The following ADGRG7 variants were observed in gnomAD, a reference collection of about 807,000 sequenced individuals.
The protein encoded by ADGRG7 is G-protein coupled receptor 128.
ADGRG7 carries 82 observed loss-of-function variants against 88.6 expected under a neutral mutation model. That is an observed-to-expected ratio of 0.93 (90% CI 0.77 to 1.11). ADGRG7 has a LOEUF of 1.11. ADGRG7 is among the 50% of genes most tolerant of loss of function. The probability of loss-of-function intolerance (pLI) is 0.00; values close to 1 mark genes in which losing one functional copy is unlikely to be tolerated. For missense variants in ADGRG7, 945 were observed against 953.4 expected, an observed-to-expected ratio of 0.99 and a Z score of 0.12; for synonymous variants, 381 against 345.2, an observed-to-expected ratio of 1.10 and a Z score of -1.15.
chr3:100,648,155 G>T (rs1455912083), intron 10 of ADGRG7, among the ~76,000 whole-genome samples: 2 of 152,104 alleles, frequency 1.3e-5, no homozygotes, highest in Non-Finnish European at 2.9e-5. Context: ...CATGTTAAAT[G>T]ATATAGTTTA....
chr3:100,664,011 C>A (rs1452404974), intron 14 of ADGRG7, among the ~76,000 whole-genome samples: 1 of 151,930 alleles, frequency 6.6e-6, no homozygotes, highest in African/African-American at 2.4e-5. Context: ...TCCTATGGCA[C>A]AAAACTAATC....
chr3:100,686,492 G>A (rs1341666670), intron 15 of ADGRG7, among the ~76,000 whole-genome samples: 10 of 152,088 alleles, frequency 6.6e-5, no homozygotes, highest in Non-Finnish European at 8.8e-5. Context: ...TTTCTTCTAC[G>A]GTTTTTATGG....
At chr3:100,680,703 A>G (rs973197234) in intron 15 of ADGRG7, among the ~76,000 whole-genome samples, 1 of 152,162 alleles carries the variant, frequency 6.6e-6, no homozygotes, top group African/African-American at 2.4e-5. Flanking sequence ...ACTACTTTCC[A>G]GTAAAATCTT....
chr3:100,629,733 T>A (rs1707433750), intron 2 of ADGRG7, 22 bp downstream of exon 2: 1 of 1,478,130 alleles, frequency 6.8e-7, no homozygotes, highest in Non-Finnish European at 9.5e-7. Flanking sequence ...GGGATAATGC[T>A]AAAGTGTAAG....
At chr3:100,636,645 G>GAA (rs11452728) in intron 5 of ADGRG7, among the ~76,000 whole-genome samples, 67 of 150,282 alleles carry the variant, frequency 4.5e-4, no homozygotes, top group Middle Eastern at 3.4e-3. Context: ...TTTTGTTTCA[G>GAA]AAAAAAAAAA....
chr3:100,649,740 T>C lies in ADGRG7; in HGVS notation c.1312T>C (p.Ser438Pro), dbSNP rs761984386. The C allele has an allele frequency of 6.2e-7, 1 of 1,611,380 alleles. No homozygotes were observed. Among genetic ancestry groups the C allele is most frequent in the Non-Finnish European group, 8.5e-7 (1 of 1,178,016 alleles). Residue 438 changes from serine to proline, a missense_variant, in exon 11 of 16, where the codon TCC becomes CCC. Physicochemically the swap from Ser to Pro is moderately conservative, Grantham distance 74. Transcript: ENST00000273352. ...ATATCCCAAATCACTTGACATATTATCCAACGTTGGATGTGCACTGTCTGT... is the reference window on the plus strand; with the variant it reads ...ATATCCCAAATCACTTGACATATTACCCAACGTTGGATGTGCACTGTCTGT... ...YQYPKSLDIL[S>P]NVGCALSVTG...
intron 15 of ADGRG7, among the ~76,000 whole-genome samples, chr3:100,689,592 T>G (rs2094989535): frequency 6.6e-6 from 1 of 152,192 alleles, no homozygotes; most frequent in South Asian, 2.1e-4. Flanking sequence ...TCTCTCAGCA[T>G]TTGCTTGTCT....
At chr3:100,684,355 C>T (rs1342459967) in intron 15 of ADGRG7, among the ~76,000 whole-genome samples, 1 of 151,862 alleles carries the variant, frequency 6.6e-6, no homozygotes, top group African/African-American at 2.4e-5. Flanking sequence ...CCTCAATCTC[C>T]TGGACTCAAT....
At chr3:100,694,451 A>G (rs745581011) in intron 15 of ADGRG7, among the ~76,000 whole-genome samples, 5 of 152,220 alleles carry the variant, frequency 3.3e-5, no homozygotes, top group Non-Finnish European at 7.3e-5. Context: ...GAAGTTGAAG[A>G]TTATCAAGAT....
chr3:100,660,179 G>C (rs1040808704), intron 14 of ADGRG7, among the ~76,000 whole-genome samples: 21 of 152,222 alleles, frequency 1.4e-4, no homozygotes, highest in Non-Finnish European at 2.6e-4. Context: ...TTAAAGAAAT[G>C]AGAAGGTTGT....
intron 1 of ADGRG7, among the ~76,000 whole-genome samples, chr3:100,610,356 A>G (rs1676341): frequency 0.86 from 131,043 of 152,210 alleles, 59,884 homozygotes; most frequent in East Asian, 1. Flanking sequence ...ATACACACAC[A>G]TGCATAACAC....
intron 1 of ADGRG7, among the ~76,000 whole-genome samples, chr3:100,623,627 G>C (rs927922906): frequency 6.6e-6 from 1 of 152,122 alleles, no homozygotes; most frequent in Non-Finnish European, 1.5e-5. Context: ...GTGGTTTGCT[G>C]CACCTATCAA....
chr3:100,636,658 G>C (rs1707547700), intron 5 of ADGRG7, among the ~76,000 whole-genome samples: 2 of 150,216 alleles, frequency 1.3e-5, no homozygotes. Flanking sequence ...AAAAAAAATT[G>C]AAATATTTTT....
chr3:100,650,329 C>A (rs534728669), intron 11 of ADGRG7, among the ~76,000 whole-genome samples: 2 of 152,242 alleles, frequency 1.3e-5, no homozygotes, highest in South Asian at 4.1e-4. Flanking sequence ...CATTTGAGGT[C>A]CAATTTTGTA....
At chr3:100,666,519 T>TC (rs1407653342) in intron 14 of ADGRG7, among the ~76,000 whole-genome samples, 3 of 152,252 alleles carry the variant, frequency 2.0e-5, no homozygotes, top group Non-Finnish European at 2.9e-5. Flanking sequence ...ATGTCCCACC[T>TC]CAGCCCTAAG....
At chr3:100,690,771 C>T (rs539859762) in intron 15 of ADGRG7, among the ~76,000 whole-genome samples, 245 of 152,256 alleles carry the variant, frequency 1.6e-3, no homozygotes, top group Non-Finnish European at 2.9e-3. Flanking sequence ...GGTGTCAGTC[C>T]GCCCCTACTT....
intron 1 of ADGRG7, among the ~76,000 whole-genome samples, chr3:100,618,047 G>A (rs6783996): frequency 0.08 from 12,112 of 152,020 alleles, 703 homozygotes; most frequent in East Asian, 0.25. Context: ...TCCTTCGCTC[G>A]CTTTTTGATG....
intron 1 of ADGRG7, among the ~76,000 whole-genome samples, chr3:100,618,780 T>A (rs1177461229): frequency 7.4e-6 from 1 of 135,132 alleles, no homozygotes; most frequent in Non-Finnish European, 1.7e-5. Flanking sequence ...TTGATGGTGA[T>A]GGCATTGATC....
In ADGRG7 at chr3:100,654,816, T is replaced by C. The variant is rs543508835; in HGVS notation, c.1380-19T>C. 7.0e-7 allele frequency: 1 copy of C among 1,424,862 alleles called. No homozygotes were observed. The highest frequency in any genetic ancestry group is 1.4e-5 in the South Asian group (1 of 72,476). 88.3% of individuals were successfully genotyped at this position (1,424,862 alleles called of 1,614,324 possible). A position where few individuals can be genotyped will look rare whatever the true frequency, so the allele number is the denominator to read the frequency against. On this transcript the variant is annotated intron_variant, in intron 11 of 15. Coordinates refer to ENST00000273352, the MANE Select transcript of ADGRG7 (RefSeq NM_032787.3). ...TTGTGTTTCATTTAATTTTTTTATA[T>C]TAATTTACTTATTTTCAGGAAAGTC...
Sources: gnomAD v4.1 joint callset for allele counts (sites outside exome capture counted in the v4.1 genomes callset) on GRCh38, gnomAD v4.1.1 for gene constraint, MANE v1.5 for transcripts, NCBI Gene and HGNC (gene_info 2026-07-23, HGNC 2026-07-21) for gene names.